PGLYRP4: variants seen among roughly 807,000 people sequenced by gnomAD.
PGLYRP4 encodes the protein PGRP-I-beta.
Under a neutral mutation model 41.2 loss-of-function variants are expected in PGLYRP4, and 39 were observed. The ratio of observed to expected loss-of-function variants is 0.95; its 90% CI spans 0.73 to 1.24. The LOEUF is 1.24. PGLYRP4 is among the 50% of genes most tolerant of loss of function. The probability of loss-of-function intolerance (pLI) is 0.00; values close to 1 mark genes in which losing one functional copy is unlikely to be tolerated. For synonymous variants in PGLYRP4, 202 were observed against 186.8 expected, an observed-to-expected ratio of 1.08 and a Z score of -0.66; for missense variants, 467 against 460.7, an observed-to-expected ratio of 1.01 and a Z score of -0.13.
In PGLYRP4 at chr1:153,343,187, G is replaced by T; in HGVS notation, c.375C>A (p.Gly125=). 1 of 1,612,972 alleles carries T rather than the reference G, an allele frequency of 6.2e-7. No individual in the cohort carries two copies. The highest frequency in any genetic ancestry group is 2.2e-5 in the East Asian group (1 of 44,884). The change falls in exon 5 of 9, where the codon GGC becomes GGA. Residue 125 remains glycine, a synonymous_variant. Coordinates refer to ENST00000359650, the MANE Select transcript of PGLYRP4 (RefSeq NM_020393.4). ...VAYNFLVGDD[G]RVYEGVGWNI... is the part of the protein sequence containing the mutation. Reference sequence around the variant, plus strand: ...TCCAGCCAACACCTTCATACACCCTGCCATCATCCCCAACCAGGAAGCTAT... The same window carrying T: ...TCCAGCCAACACCTTCATACACCCTTCCATCATCCCCAACCAGGAAGCTAT...
rs1249901411 is a variant in PGLYRP4 at position 153,340,481 on chromosome 1, C to T, written c.724G>A (p.Ala242Thr). The change falls in exon 7 of 9, where the codon GCC becomes ACC. Residue 242 changes from alanine (A) to threonine (T), a missense_variant. By Grantham distance (58) the Ala-to-Thr change is moderately conservative. Transcript: ENST00000359650. ...TCAGAAATGTTGCAGGTCCTCCCGGCAGTGTGGATAATGATGCCATACTTC... is the reference window on the plus strand; with the variant it reads ...TCAGAAATGTTGCAGGTCCTCCCGGTAGTGTGGATAATGATGCCATACTTC... ...PAKYGIIIHT[A>T]GRTCNISDEC... 1.1e-5 allele frequency: 17 copies of T among 1,614,066 alleles called. No individual in the cohort carries two copies. The highest frequency in any genetic ancestry group is 1.4e-5 in the Non-Finnish European group (17 of 1,180,026).
At chr1:153,333,764 T>C (rs1297609902) in intron 8 of PGLYRP4, among the ~76,000 whole-genome samples, 1 of 152,146 alleles carries the variant, frequency 6.6e-6, no homozygotes, top group Non-Finnish European at 1.5e-5. Flanking sequence ...GTTCAACATA[T>C]GCAAATAAAT....
At position 153,330,289 on chromosome 1, in the gene PGLYRP4, T is replaced by C. The variant is rs2101542421; in HGVS notation, c.*478A>G. 6.5e-6 allele frequency: 1 copy of C among 153,834 alleles called. No homozygotes were observed. The highest frequency in any genetic ancestry group is 2.0e-4 in the South Asian group (1 of 4,978). 9.5% of individuals were successfully genotyped at this position (153,834 alleles called of 1,614,324 possible). On this transcript the variant is annotated 3_prime_UTR_variant, in exon 9 of 9. Transcript: ENST00000359650. ...CAAGGATAGACATATCTATAAATAA[T>C]GACAGCCATTAAATAAGGGCTACAT...
intron 8 of PGLYRP4, among the ~76,000 whole-genome samples, chr1:153,333,462 C>T (rs1660419090): frequency 6.6e-6 from 1 of 152,016 alleles, no homozygotes; most frequent in Non-Finnish European, 1.5e-5. Flanking sequence ...AAGCCCAGGA[C>T]CAGATGGATT....
chr1:153,335,739 A>G (rs113521977), intron 8 of PGLYRP4, among the ~76,000 whole-genome samples: 2 of 20,706 alleles, frequency 9.7e-5, no homozygotes, highest in Non-Finnish European at 2.4e-4. Context: ...ATAAATAAAT[A>G]AATAAATAAA....
intron 6 of PGLYRP4, among the ~76,000 whole-genome samples, chr1:153,341,400 G>C (rs1179828294): frequency 1.3e-5 from 2 of 152,198 alleles, no homozygotes; most frequent in African/African-American, 2.4e-5. Context: ...TATGACACCA[G>C]GGATAATGCT....
intron 1 of PGLYRP4, among the ~76,000 whole-genome samples, 171 bp from the exon 2 acceptor site, chr1:153,348,149 C>T (rs1661096742): frequency 6.6e-6 from 1 of 152,168 alleles, no homozygotes; most frequent in Admixed American, 6.5e-5. Flanking sequence ...TGCTCAGCAT[C>T]CCTGTCCTAT....
intron 7 of PGLYRP4, among the ~76,000 whole-genome samples, chr1:153,339,320 T>C (rs747778525): frequency 1.1e-4 from 16 of 152,356 alleles, no homozygotes; most frequent in Non-Finnish European, 1.9e-4. Flanking sequence ...TAGGTTCTGA[T>C]ACGTCATAGG....
At chr1:153,341,489 G>C (rs1200725617) in intron 6 of PGLYRP4, 138 bp downstream of exon 6, 1 of 761,574 alleles carries the variant, frequency 1.3e-6, no homozygotes, top group East Asian at 2.6e-5. Flanking sequence ...AGCCCCAAGA[G>C]TTCAGAGAGT....
chr1:153,341,529 C>T (rs2101569935), intron 6 of PGLYRP4, 98 bp downstream of exon 6: 2 of 1,140,556 alleles, frequency 1.8e-6, no homozygotes, highest in Non-Finnish European at 2.5e-6. Context: ...CAGAAGGAAT[C>T]TAATGGGCCC....
chr1:153,345,416 A>G, intron 3 of PGLYRP4, 34 bp from the exon 4 acceptor site: 7 of 1,580,530 alleles, frequency 4.4e-6, no homozygotes, highest in African/African-American at 1.3e-5. Flanking sequence ...CTGCCCCATC[A>G]CTACCGCATT....
In PGLYRP4 at chr1:153,341,632, T is replaced by C. The variant is rs761300428; in HGVS notation, c.620A>G (p.Lys207Arg). Residue 207 changes from lysine to arginine, a missense_variant, in exon 6 of 9, where the codon AAG becomes AGG. By Grantham distance (26) the Lys-to-Arg change is conservative. Transcript: ENST00000359650. ...GGGCTGAAGAAAGGTCTTACCCTTC[T>C]TCAGGCTTGTCTTCTGCCGAGGGGC... ...CLAPRQKTSL[K>R]KACPGVVPRS... is the part of the protein sequence containing the mutation. 2 of 1,611,908 alleles carry C rather than the reference T, an allele frequency of 1.2e-6. No homozygotes were observed. The highest frequency in any genetic ancestry group is 2.2e-5 in the East Asian group (1 of 44,876).
chr1:153,347,445 C>T lies in PGLYRP4; in HGVS notation c.49+439G>A, dbSNP rs149765681. ...AGTGCAGTGGCACGATCTCATCTCACTACAACCTCCATCTCCTGGCTTCAA... is the reference window on the plus strand; with the variant it reads ...AGTGCAGTGGCACGATCTCATCTCATTACAACCTCCATCTCCTGGCTTCAA... On this transcript the variant is annotated intron_variant, in intron 2 of 8. Transcript: ENST00000359650. 3.1e-3 allele frequency among the ~76,000 whole-genome samples: 470 copies of T among 152,304 alleles called. 2 individuals carry two copies. Among genetic ancestry groups the T allele is most frequent in the African/African-American group, 0.01 (431 of 41,542 alleles).
chr1:153,334,730 G>C (rs1000843694), intron 8 of PGLYRP4, among the ~76,000 whole-genome samples: 1 of 151,984 alleles, frequency 6.6e-6, no homozygotes, highest in Non-Finnish European at 1.5e-5. Flanking sequence ...AACTAAGAAA[G>C]AACCCAAATA....
At position 153,335,727 on chromosome 1, in the gene PGLYRP4, A is replaced by AAATAAATAAATAAATG. The variant is rs1553197227; in HGVS notation, c.943+1453_943+1454insCATTTATTTATTTATT. Among the ~76,000 whole-genome samples, 3 of 133,738 alleles carry AAATAAATAAATAAATG rather than the reference A, an allele frequency of 2.2e-5. No homozygotes were observed. In the East Asian group the frequency reaches 6.1e-4, roughly 27 times the overall value. The allele number at this position is 133,738 out of a possible 152,430, so 87.7% of individuals were successfully genotyped here. On this transcript the variant is annotated intron_variant, in intron 8 of 8. Coordinates refer to ENST00000359650, the MANE Select transcript of PGLYRP4 (RefSeq NM_020393.4). ...CGACAGAGCAAGACTCTGTCTAAATAAATAAATAAATAAATAAATAAATAA... is the reference window on the plus strand; with the variant it reads ...CGACAGAGCAAGACTCTGTCTAAATAAATAAATAAATAAATGAATAAATAAATAAATAAATAAATAA...
At chr1:153,343,867 G>C (rs561023136) in intron 4 of PGLYRP4, among the ~76,000 whole-genome samples, 3 of 152,336 alleles carry the variant, frequency 2.0e-5, no homozygotes, top group East Asian at 3.9e-4. Flanking sequence ...GGCGCAGAGA[G>C]GGGTGGGAGG....
intron 2 of PGLYRP4, among the ~76,000 whole-genome samples, chr1:153,347,030 A>C (rs1371813454): frequency 6.6e-6 from 1 of 152,122 alleles, no homozygotes; most frequent in African/African-American, 2.4e-5. Flanking sequence ...CTTTCTCCTT[A>C]AGAGAGAGTA....
At position 153,346,107 on chromosome 1, in the gene PGLYRP4, T is replaced by C. The variant is rs1660997267; in HGVS notation, c.134A>G (p.Glu45Gly). ...ACTATCCAGATCCAGTTTACCTTTT[T>C]CAGTGAGCTGGGAGATGTTCTCAAA... Reference protein sequence around the residue: ...YLFENISQLTEKGLPTDVSTT... With the variant: ...YLFENISQLTGKGLPTDVSTT... The change falls in exon 3 of 9, where the codon GAA becomes GGA. Residue 45 changes from glutamate (E) to glycine (G), a missense_variant. Transcript: ENST00000359650. The C allele has an allele frequency of 1.2e-6, 2 of 1,610,610 alleles. No individual in the cohort carries two copies. The highest frequency in any genetic ancestry group is 1.7e-6 in the Non-Finnish European group (2 of 1,176,744).
chr1:153,336,369 C>CA lies in PGLYRP4; in HGVS notation c.943+811dup, dbSNP rs58665160. Reference sequence around the variant, plus strand: ...TGGGTGACAGAGCGAGACTCCATCTCAAAAAAAAAAAAAAAAAAAAAAACA... The same window carrying CA: ...TGGGTGACAGAGCGAGACTCCATCTCAAAAAAAAAAAAAAAAAAAAAAAACA... On this transcript the variant is annotated intron_variant, in intron 8 of 8. Transcript: ENST00000359650. 9.1e-3 allele frequency among the ~76,000 whole-genome samples: 698 copies of CA among 76,442 alleles called. 74 individuals are homozygous for CA. The highest frequency in any genetic ancestry group is 0.049 in the East Asian group (106 of 2,146). 50.1% of individuals were successfully genotyped at this position (76,442 alleles called of 152,430 possible).
Sources: allele counts gnomAD v4.1 joint callset (sites outside exome capture counted in the v4.1 genomes callset), GRCh38; gene constraint gnomAD v4.1.1; transcripts MANE v1.5; gene names NCBI Gene and HGNC (gene_info 2026-07-23, HGNC 2026-07-21).